Variants in CELF2 observed in about 807,000 individuals in gnomAD.
CELF2 encodes the protein CUGBP Elav-like family member 2.
In CELF2, 8 loss-of-function variants were observed where a neutral mutation model predicts 62.6. That is an observed-to-expected ratio of 0.13 (90% CI 0.07 to 0.23). The LOEUF is 0.23. CELF2 is among the 10% of genes least tolerant of loss of function. CELF2 has a pLI of 1.00. For synonymous variants in CELF2, 258 were observed against 250.0 expected, an observed-to-expected ratio of 1.03 and a Z score of -0.30; for missense variants, 333 against 671.0, an observed-to-expected ratio of 0.50 and a Z score of 5.56.
At chr10:10,717,992 T>C in the CELF2 span, among the ~76,000 whole-genome samples, 1 of 152,198 alleles carries the variant, frequency 6.6e-6, no homozygotes, top group Admixed American at 6.5e-5. Flanking sequence ...TGATCTGTAA[T>C]TGTTTCACTC....
intron 1 of CELF2, among the ~76,000 whole-genome samples, chr10:10,802,886 A>G (rs976889643): frequency 2.6e-5 from 4 of 152,306 alleles, no homozygotes; most frequent in African/African-American, 9.6e-5. Flanking sequence ...CAAAAGCTCA[A>G]CAGGTTATAA....
At chr10:11,002,745 G>C (rs758205441), upstream of CELF2, among the ~76,000 whole-genome samples, 2 of 152,138 alleles carry the variant, frequency 1.3e-5, no homozygotes, top group African/African-American at 4.8e-5. The surrounding 1 kb of genome is among the most constrained non-coding windows in gnomAD (Gnocchi z 4.4). Flanking sequence ...AGCATGAAAG[G>C]AATATCTCAG....
rs2094807143 is a variant in CELF2, at chr10:11,314,696, G to C, written c.1096+438G>C. 1 of 271,138 alleles carries C rather than the reference G, an allele frequency of 3.7e-6. No homozygotes were observed. The highest frequency in any genetic ancestry group is 7.3e-6 in the Non-Finnish European group (1 of 137,724). The allele number at this position is 271,138 out of a possible 1,614,324, so 16.8% of individuals were successfully genotyped here. On this transcript the variant is annotated intron_variant, in intron 10 of 12. Coordinates refer to ENST00000633077, the MANE Select transcript of CELF2 (RefSeq NM_001326342.2). This position sits in a 1 kb window ranked among gnomAD's most constrained non-coding sequence, Gnocchi z 5.3. ...CAGATGCTGCTCCCTCTCTGGGCTTGGGAGTCTCCATTTGAGAATGGAAAG... is the reference window on the plus strand; with the variant it reads ...CAGATGCTGCTCCCTCTCTGGGCTTCGGAGTCTCCATTTGAGAATGGAAAG...
chr10:11,208,531 C>A (rs914480780), intron 2 of CELF2, among the ~76,000 whole-genome samples: 1 of 152,192 alleles, frequency 6.6e-6, no homozygotes, highest in Admixed American at 6.5e-5. Flanking sequence ...TGCCTGTCCG[C>A]ATTCTCCCTG....
chr10:11,152,342 C>T (rs185220503), intron 1 of CELF2, among the ~76,000 whole-genome samples: 15 of 152,168 alleles, frequency 9.9e-5, no homozygotes, highest in Admixed American at 2.6e-4. Context: ...GCAGTGACAA[C>T]GCATTGTTCA....
At chr10:10,982,906 G>GT (rs60869262) in intron 2 of CELF2, among the ~76,000 whole-genome samples, 1,768 of 141,354 alleles carry the variant, frequency 0.013, 35 homozygotes, top group African/African-American at 0.04. Flanking sequence ...TCTGGTGTGT[G>GT]TTTTTTTTTT....
At chr10:11,056,517 G>A (rs1004473424) in intron 1 of CELF2, among the ~76,000 whole-genome samples, 8 of 152,218 alleles carry the variant, frequency 5.3e-5, no homozygotes, top group African/African-American at 1.9e-4. Context: ...AATGCACTAA[G>A]GTAGAGAGCA....
At chr10:10,575,241 A>T in the CELF2 span, among the ~76,000 whole-genome samples, 1 of 152,174 alleles carries the variant, frequency 6.6e-6, no homozygotes, top group South Asian at 2.1e-4. Context: ...AGAACACATT[A>T]CTTATTAACC....
chr10:10,996,483 C>T (rs1044211915), intron 2 of CELF2, among the ~76,000 whole-genome samples: 10 of 152,216 alleles, frequency 6.6e-5, no homozygotes. Flanking sequence ...AGGCTGCCTT[C>T]GTGGGTTACT....
the CELF2 span, among the ~76,000 whole-genome samples, chr10:10,770,562 A>C: frequency 6.6e-6 from 1 of 152,034 alleles, no homozygotes; most frequent in African/African-American, 2.4e-5. Flanking sequence ...GAAGGAGGAA[A>C]CAGAGAGAGC....
chr10:11,105,968 A>G (rs2053330786), intron 1 of CELF2, among the ~76,000 whole-genome samples: 1 of 152,260 alleles, frequency 6.6e-6, no homozygotes, highest in Non-Finnish European at 1.5e-5. Context: ...AATGAGAACA[A>G]AAAATCAAAG....
chr10:11,002,997 G>C (rs1314069311), upstream of CELF2, among the ~76,000 whole-genome samples: 3 of 152,214 alleles, frequency 2.0e-5, no homozygotes, highest in Non-Finnish European at 4.4e-5. The surrounding 1 kb of genome is among the most constrained non-coding windows in gnomAD (Gnocchi z 4.4). Flanking sequence ...TTAATTCCAT[G>C]TGGAGTTGGG....
chr10:10,740,813 G>C, the CELF2 span, among the ~76,000 whole-genome samples: 1 of 152,322 alleles, frequency 6.6e-6, no homozygotes, highest in South Asian at 2.1e-4. Flanking sequence ...ATTATGCTAA[G>C]TGAAATAAGC....
At chr10:10,817,203 T>A (rs1401263875) in intron 1 of CELF2, among the ~76,000 whole-genome samples, 3 of 152,200 alleles carry the variant, frequency 2.0e-5, no homozygotes, top group South Asian at 2.1e-4. Context: ...TTCCTTTTTT[T>A]AATTTTTGTG....
chr10:10,505,070 T>C, the CELF2 span, among the ~76,000 whole-genome samples: 1 of 152,192 alleles, frequency 6.6e-6, no homozygotes, highest in South Asian at 2.1e-4. Flanking sequence ...TTGAGATCTA[T>C]CTTCCTGGTT....
intron 1 of CELF2, among the ~76,000 whole-genome samples, chr10:10,870,770 T>G (rs2060688428): frequency 6.6e-6 from 1 of 152,164 alleles, no homozygotes; most frequent in Admixed American, 6.5e-5. Flanking sequence ...CAGGCATGAG[T>G]GCACACCTGC....
chr10:11,303,539 C>T (rs940860986), intron 9 of CELF2, among the ~76,000 whole-genome samples: 2 of 152,182 alleles, frequency 1.3e-5, no homozygotes, highest in Non-Finnish European at 2.9e-5. Flanking sequence ...ATTGATCACC[C>T]GCTGTGCATC....
intron 1 of CELF2, among the ~76,000 whole-genome samples, chr10:11,036,686 TC>T (rs1256376934): frequency 6.6e-6 from 1 of 152,244 alleles, no homozygotes; most frequent in Non-Finnish European, 1.5e-5. Context: ...GAAGATGATA[TC>T]CCTGGATCTA....
chr10:10,885,234 C>T lies in CELF2; in HGVS notation c.54-34730C>T, dbSNP rs144104849. On this transcript the variant is annotated intron_variant, in intron 1 of 13. Transcript: ENST00000636488. ...CTCCAGCCTGGGTGACAGGGTGAGA[C>T]ACTGTCTCAAAAAAAAAACAAAAAA... 8.9e-3 allele frequency among the ~76,000 whole-genome samples: 1,348 copies of T among 151,000 alleles called. 20 individuals are homozygous for T. The highest frequency in any genetic ancestry group is 0.031 in the African/African-American group (1,279 of 41,090).
Sources: allele counts gnomAD v4.1 joint callset (sites outside exome capture counted in the v4.1 genomes callset), GRCh38; gene constraint gnomAD v4.1.1; non-coding constraint Gnocchi (gnomAD v3.1); transcripts MANE v1.5; gene names NCBI Gene and HGNC (gene_info 2026-07-23, HGNC 2026-07-21).